Variants in TRDN observed in about 807,000 individuals in gnomAD.
TRDN encodes triadin in skeletal muscle.
TRDN carries 161 observed loss-of-function variants against 149.7 expected under a neutral mutation model. That is an observed-to-expected ratio of 1.08 (90% CI 0.95 to 1.23). The LOEUF (loss-of-function observed/expected upper bound fraction) is 1.23, where lower values mean the gene tolerates loss of function less well. Ranked by LOEUF, TRDN falls within the 50% of genes most tolerant of loss-of-function variation. The pLI is 0.00. For synonymous variants in TRDN, 294 were observed against 250.5 expected, an observed-to-expected ratio of 1.17 and a Z score of -1.64; for missense variants, 896 against 823.5, an observed-to-expected ratio of 1.09 and a Z score of -1.08.
chr6:123,473,383 A>T (rs1011294203), intron 9 of TRDN, among the ~76,000 whole-genome samples: 4 of 151,762 alleles, frequency 2.6e-5, no homozygotes, highest in South Asian at 2.1e-4. Context: ...GCGAGAAGGG[A>T]AGTTTAGAGA....
rs530638973 is a variant in TRDN, at chr6:123,593,054, C to T, written c.23-21922G>A. On this transcript the variant is annotated intron_variant, in intron 1 of 40. Coordinates refer to ENST00000334268, the MANE Select transcript of TRDN (RefSeq NM_006073.4). ...ATCAATTATTTTACCCATGTTACTT[C>T]TAATTAAACATGTCTTCTTTCAAAT... Among the ~76,000 whole-genome samples the T allele has an allele frequency of 1.2e-3, 183 of 152,238 alleles. 1 individual carries two copies. The highest frequency in any genetic ancestry group is 4.2e-3 in the African/African-American group (173 of 41,546).
At chr6:123,472,223 C>T (rs535853303) in intron 9 of TRDN, among the ~76,000 whole-genome samples, 24 of 152,280 alleles carry the variant, frequency 1.6e-4, no homozygotes, top group Admixed American at 1.3e-3. Flanking sequence ...AGTGGGTGCG[C>T]GCACCGTGCG....
At chr6:123,462,989 G>T (rs1040273353) in intron 10 of TRDN, 1 of 152,090 alleles carries the variant, frequency 6.6e-6, no homozygotes, top group African/African-American at 2.4e-5. Context: ...CTCAAACCTT[G>T]TTATTTTATT....
intron 24 of TRDN, among the ~76,000 whole-genome samples, chr6:123,313,231 C>G (rs1199598725): frequency 6.6e-6 from 1 of 151,880 alleles, no homozygotes; most frequent in African/African-American, 2.4e-5. Context: ...TTAGAATGTG[C>G]TCCTTTAGCT....
At chr6:123,425,870 ATATCTATCTATCTATCATCTATC>A (rs1774099033) in intron 12 of TRDN, among the ~76,000 whole-genome samples, 1 of 151,992 alleles carries the variant, frequency 6.6e-6, no homozygotes, top group Non-Finnish European at 1.5e-5. Context: ...TATAATATAC[ATATCTATCTATCTATCATCTATC>A]TATCTATCTA....
At chr6:123,335,880 C>A (rs533755913) in intron 22 of TRDN, among the ~76,000 whole-genome samples, 4 of 151,946 alleles carry the variant, frequency 2.6e-5, no homozygotes, top group Admixed American at 6.6e-5. Context: ...GTATGTATAT[C>A]TTTTCCTGAT....
intron 12 of TRDN, among the ~76,000 whole-genome samples, chr6:123,412,486 G>A (rs1773483093): frequency 6.6e-6 from 1 of 152,170 alleles, no homozygotes; most frequent in Non-Finnish European, 1.5e-5. Context: ...TACCAATATA[G>A]GAAGTTTAAT....
chr6:123,332,125 T>C (rs1392944720), intron 22 of TRDN, among the ~76,000 whole-genome samples, 196 bp from the exon 23 acceptor site: 1 of 152,070 alleles, frequency 6.6e-6, no homozygotes, highest in Non-Finnish European at 1.5e-5. Flanking sequence ...AAACTGATCA[T>C]TTTTCCTTGG....
At chr6:123,610,416 C>G (rs536338653) in intron 1 of TRDN, among the ~76,000 whole-genome samples, 1 of 152,230 alleles carries the variant, frequency 6.6e-6, no homozygotes, top group East Asian at 1.9e-4. Flanking sequence ...GACTCTCATT[C>G]CATGTCGCTA....
At chr6:123,289,017 GT>G (rs1369988401) in intron 24 of TRDN, among the ~76,000 whole-genome samples, 15 of 138,436 alleles carry the variant, frequency 1.1e-4, no homozygotes, top group African/African-American at 3.4e-4. Flanking sequence ...AATGTGGGGG[GT>G]GTGTGTGTGT....
intron 13 of TRDN, 88 bp from the exon 14 acceptor site, chr6:123,388,639 A>C: frequency 6.9e-7 from 1 of 1,450,442 alleles, no homozygotes; most frequent in South Asian, 1.2e-5. Flanking sequence ...CCACATATTC[A>C]TAAATTCAGT....
chr6:123,335,200 G>A (rs1297538732), intron 22 of TRDN, among the ~76,000 whole-genome samples: 10 of 151,456 alleles, frequency 6.6e-5, no homozygotes, highest in African/African-American at 9.7e-5. Flanking sequence ...AACAGTATTC[G>A]ACTTATATAT....
chr6:123,547,225 C>A, intron 4 of TRDN, 115 bp downstream of exon 4: 1 of 624,618 alleles, frequency 1.6e-6, no homozygotes, highest in Non-Finnish European at 2.6e-6. Flanking sequence ...AAATCTTGAC[C>A]TAATTATTAA....
At chr6:123,333,560 A>G (rs1372635813) in intron 22 of TRDN, among the ~76,000 whole-genome samples, 2 of 152,090 alleles carry the variant, frequency 1.3e-5, no homozygotes, top group Non-Finnish European at 2.9e-5. Flanking sequence ...ACTTTCCTAC[A>G]GATCATTGAT....
At chr6:123,397,946 G>A (rs1049841784) in intron 12 of TRDN, among the ~76,000 whole-genome samples, 1 of 152,164 alleles carries the variant, frequency 6.6e-6, no homozygotes. Flanking sequence ...AATGAAAACA[G>A]CTTTAAAGCT....
At chr6:123,548,856 GA>G (rs962961917) in intron 2 of TRDN, among the ~76,000 whole-genome samples, 9 of 151,610 alleles carry the variant, frequency 5.9e-5, no homozygotes, top group African/African-American at 9.7e-5. Flanking sequence ...GTTAGCACTG[GA>G]AAAAAAATTA....
intron 21 of TRDN, chr6:123,351,900 T>C: frequency 1.0e-6 from 1 of 984,954 alleles, no homozygotes; most frequent in Non-Finnish European, 1.2e-6. Flanking sequence ...TTAAATGTTT[T>C]AAGTTTAGTG....
chr6:123,519,871 T>C (rs998643139), intron 5 of TRDN, among the ~76,000 whole-genome samples: 1 of 152,160 alleles, frequency 6.6e-6, no homozygotes, highest in Non-Finnish European at 1.5e-5. Flanking sequence ...ACATTTCTTG[T>C]GCTTTTTTGT....
intron 1 of TRDN, among the ~76,000 whole-genome samples, chr6:123,632,962 A>G (rs1786086405): frequency 6.6e-6 from 1 of 151,996 alleles, no homozygotes; most frequent in Non-Finnish European, 1.5e-5. Flanking sequence ...TAAATTTTGA[A>G]TATCAAATCT....
Sources: allele counts gnomAD v4.1 joint callset (sites outside exome capture counted in the v4.1 genomes callset), GRCh38; gene constraint gnomAD v4.1.1; transcripts MANE v1.5; gene names NCBI Gene and HGNC (gene_info 2026-07-23, HGNC 2026-07-21).